Variants in MAP4K4 observed in about 807,000 individuals in gnomAD.
The protein encoded by MAP4K4 is mitogen-activated protein kinase kinase kinase kinase 4.
MAP4K4 carries 38 observed loss-of-function variants against 189.6 expected under a neutral mutation model. The ratio of observed to expected loss-of-function variants is 0.20; its 90% confidence interval spans 0.15 to 0.26. The LOEUF is 0.26. MAP4K4 is among the 10% of genes least tolerant of loss of function. MAP4K4 has a pLI of 1.00. For missense variants in MAP4K4, 1,054 were observed against 1,726.9 expected (o/e 0.61, Z 6.91); for synonymous variants, 610 against 624.3 (o/e 0.98, Z 0.34).
At chr2:101,734,735 C>G (rs375563366) in intron 2 of MAP4K4, among the ~76,000 whole-genome samples, 14 of 152,140 alleles carry the variant, frequency 9.2e-5, no homozygotes, top group African/African-American at 3.4e-4. Context: ...GTTGCTTCTT[C>G]TTGAGAGAGA....
chr2:101,820,336 AT>A (rs1343193484), intron 3 of MAP4K4, among the ~76,000 whole-genome samples: 2 of 152,250 alleles, frequency 1.3e-5, no homozygotes, highest in East Asian at 3.9e-4. Flanking sequence ...TAAGGGTGGG[AT>A]TGATGAAACA....
chr2:101,859,792 G>A, exon 15 of MAP4K4: 1 of 1,611,272 alleles, frequency 6.2e-7, no homozygotes. Flanking sequence ...CACCGCAGCA[G>A]GAAAGGAGCA....
At chr2:101,857,721 A>G (rs2097522932) in intron 13 of MAP4K4, among the ~76,000 whole-genome samples, 1 of 151,898 alleles carries the variant, frequency 6.6e-6, no homozygotes, top group African/African-American at 2.4e-5. Flanking sequence ...CCCTCTGCCC[A>G]CACCCCCCCA....
chr2:101,891,184 C>T lies in MAP4K4; in HGVS notation c.4090C>T (p.Arg1364Trp). 1.9e-6 allele frequency: 3 copies of T among 1,613,752 alleles called. No homozygotes were observed. The highest frequency in any genetic ancestry group is 1.7e-6 in the Non-Finnish European group (2 of 1,179,724). Residue 1364 changes from arginine to tryptophan, a missense_variant, in exon 33 of 33, where the codon CGG becomes TGG. This residue lies in a region of MAP4K4 where 189 missense variants were observed against 405.7 expected (regional missense o/e 0.47). Transcript: ENST00000324219. The stretch of plus-strand genomic sequence containing the variant: ...TTTGCAGGTGTTCTTTGCCTCTGTT[C>T]GGTCTGGTGGCAGCAGTCAGGTTTA...
chr2:101,759,956 A>G (rs940434651), intron 2 of MAP4K4, among the ~76,000 whole-genome samples: 1 of 151,236 alleles, frequency 6.6e-6, no homozygotes, highest in Admixed American at 6.6e-5. Flanking sequence ...TGATTCTCCT[A>G]CCTCGGCCTC....
exon 26 of MAP4K4, chr2:101,874,194 G>A (rs983364964): frequency 9.3e-6 from 15 of 1,613,412 alleles, no homozygotes; most frequent in African/African-American, 8.0e-5. Context: ...GTGACACCCC[G>A]GAGATTCGTA....
At chr2:101,708,016 T>C (rs2043311637) in intron 2 of MAP4K4, among the ~76,000 whole-genome samples, 1 of 152,050 alleles carries the variant, frequency 6.6e-6, no homozygotes, top group Admixed American at 6.6e-5. Flanking sequence ...CCAGCTAATT[T>C]TTAAAATTTT....
At chr2:101,823,985 A>G in exon 4 of MAP4K4, 1 of 1,611,100 alleles carries the variant, frequency 6.2e-7, no homozygotes. Flanking sequence ...CTCTCATCAC[A>G]GAAACATTGC....
Position 101,698,553 on chromosome 2 carries a change from C to T in MAP4K4, c.123+15C>T, listed in dbSNP as rs2035965843. ...AAGTCTATAAGGTCGGTGTGGGCGC[C>T]TTCTTTGTTTCCCGTGGCATGTGGA... is the stretch of plus-strand genomic sequence containing the variant. On this transcript the variant is annotated intron_variant, in intron 2 of 32. Transcript: ENST00000324219. The T allele has an allele frequency of 1.9e-6, 3 of 1,611,562 alleles. No individual in the cohort carries two copies. Among genetic ancestry groups the T allele is most frequent in the Non-Finnish European group, 2.5e-6 (3 of 1,178,302 alleles).
intron 2 of MAP4K4, among the ~76,000 whole-genome samples, chr2:101,744,758 T>C (rs1051821149): frequency 7.2e-5 from 11 of 152,152 alleles, no homozygotes; most frequent in African/African-American, 2.7e-4. Context: ...TGCTGATCTG[T>C]TCATCCTAAG....
intron 2 of MAP4K4, among the ~76,000 whole-genome samples, chr2:101,756,014 C>G (rs796710186): frequency 7.3e-6 from 1 of 137,824 alleles, no homozygotes; most frequent in Non-Finnish European, 1.5e-5. Context: ...GATGTCGGCT[C>G]ACTGCAAGCT....
chr2:101,715,264 G>A (rs956113968), intron 2 of MAP4K4, among the ~76,000 whole-genome samples: 2 of 152,106 alleles, frequency 1.3e-5, no homozygotes, highest in African/African-American at 4.8e-5. Context: ...TTGGATTAAG[G>A]TTCACTCTAA....
intron 3 of MAP4K4, among the ~76,000 whole-genome samples, chr2:101,811,409 T>G (rs2095421358): frequency 6.7e-6 from 1 of 148,668 alleles, no homozygotes; most frequent in African/African-American, 2.5e-5. Flanking sequence ...GAAGTAGTTT[T>G]GCTGGCCTGT....
chr2:101,777,456 C>T (rs1433432044), intron 2 of MAP4K4, among the ~76,000 whole-genome samples: 1 of 152,204 alleles, frequency 6.6e-6, no homozygotes, highest in South Asian at 2.1e-4. Flanking sequence ...GGTGCCGGCT[C>T]ATGGTTTTCT....
intron 5 of MAP4K4, 92 bp downstream of exon 5, chr2:101,825,521 A>G: frequency 1.4e-6 from 1 of 701,322 alleles, no homozygotes; most frequent in South Asian, 2.0e-5. Context: ...TGCATTACTT[A>G]TATCTATATA....
intron 22 of MAP4K4, chr2:101,870,026 T>A: frequency 1.6e-6 from 1 of 635,994 alleles, no homozygotes; most frequent in Non-Finnish European, 2.6e-6. Flanking sequence ...TCCTTTTGAT[T>A]TGAGGATATA....
intron 2 of MAP4K4, among the ~76,000 whole-genome samples, chr2:101,745,259 G>A (rs1466299054): frequency 6.7e-6 from 1 of 148,688 alleles, no homozygotes; most frequent in Non-Finnish European, 1.5e-5. Context: ...ATTTTCACAA[G>A]CTTTCTTCTG....
chr2:101,848,717 A>G (rs1337391570), intron 12 of MAP4K4, among the ~76,000 whole-genome samples: 4 of 152,006 alleles, frequency 2.6e-5, no homozygotes, highest in South Asian at 2.1e-4. Context: ...AGAAATATGT[A>G]CACTCCCACC....
At chr2:101,738,462 A>G (rs2061357750) in intron 2 of MAP4K4, among the ~76,000 whole-genome samples, 1 of 152,182 alleles carries the variant, frequency 6.6e-6, no homozygotes, top group African/African-American at 2.4e-5. Context: ...TTTTTTTAAT[A>G]TGGGGCAGTT....
Sources: gnomAD v4.1 joint callset for allele counts (sites outside exome capture counted in the v4.1 genomes callset) on GRCh38, gnomAD v4.1.1 for gene constraint, gnomAD v4.1.1 regional missense constraint, MANE v1.5 for transcripts, NCBI Gene and HGNC (gene_info 2026-07-23, HGNC 2026-07-21) for gene names.